The following GALNT10 variants were observed in gnomAD, a reference collection of about 807,000 sequenced individuals.
The protein encoded by GALNT10 is polypeptide N-acetylgalactosaminyltransferase 10.
In GALNT10, 41 loss-of-function variants were observed where a neutral mutation model predicts 75.0. That is an observed-to-expected ratio of 0.55 (90% confidence interval 0.43 to 0.71). The LOEUF is 0.71. Among genes scored for constraint, GALNT10 ranks in the 30% least tolerant of loss-of-function variants. The probability of loss-of-function intolerance (pLI) is 0.00; values close to 1 mark genes in which losing one functional copy is unlikely to be tolerated. For missense variants in GALNT10, 727 were observed against 818.5 expected (o/e 0.89, Z 1.36); for synonymous variants, 302 against 313.0 (o/e 0.96, Z 0.37).
At chr5:154,200,239 C>G (rs1274447389) in intron 1 of GALNT10, among the ~76,000 whole-genome samples, 1 of 152,154 alleles carries the variant, frequency 6.6e-6, no homozygotes, top group Non-Finnish European at 1.5e-5. Context: ...ATAGCAAGTC[C>G]CATGTGCCGC....
intron 1 of GALNT10, among the ~76,000 whole-genome samples, chr5:154,228,690 C>G (rs1265393059): frequency 6.6e-6 from 1 of 152,132 alleles, no homozygotes; most frequent in Non-Finnish European, 1.5e-5. Flanking sequence ...GGCGGGAGTC[C>G]CAATTGTATG....
intron 1 of GALNT10, chr5:154,219,709 T>C (rs1268850927): frequency 1.3e-5 from 2 of 151,632 alleles, no homozygotes; most frequent in Non-Finnish European, 2.9e-5. Context: ...TAATGCAAAT[T>C]TGAGAACCTC....
intron 5 of GALNT10, among the ~76,000 whole-genome samples, chr5:154,377,968 A>C (rs1755682365): frequency 6.6e-6 from 1 of 152,208 alleles, no homozygotes; most frequent in South Asian, 2.1e-4. Context: ...TGGGGCTCGA[A>C]GCTGAGCTTG....
chr5:154,259,119 TA>T (rs1432482659), intron 1 of GALNT10, among the ~76,000 whole-genome samples: 6 of 152,058 alleles, frequency 3.9e-5, no homozygotes, highest in African/African-American at 1.2e-4. Flanking sequence ...ATGCCTTTTT[TA>T]TTTCTTTTTC....
chr5:154,252,952 T>G (rs1320425043), intron 1 of GALNT10, among the ~76,000 whole-genome samples: 1 of 150,770 alleles, frequency 6.6e-6, no homozygotes, highest in Admixed American at 6.6e-5. Context: ...CTTTCACTTA[T>G]TTGGGGCATT....
chr5:154,395,768 C>T (rs919304804), intron 7 of GALNT10, among the ~76,000 whole-genome samples: 3 of 152,204 alleles, frequency 2.0e-5, no homozygotes, highest in African/African-American at 7.2e-5. Flanking sequence ...GGCACAGTCA[C>T]CTGAGACGCT....
Position 154,248,679 on chromosome 5 carries a change from C to T in GALNT10, c.160-46137C>T, listed in dbSNP as rs189389973. Reference sequence around the variant, plus strand: ...ATATCCCCTTTATCATTTTTTATTGCGTCTATTTGATTCTTCTCTCTTTTC... The same window carrying T: ...ATATCCCCTTTATCATTTTTTATTGTGTCTATTTGATTCTTCTCTCTTTTC... On this transcript the variant is annotated intron_variant, in intron 1 of 11. Transcript: ENST00000297107. Among the ~76,000 whole-genome samples, 438 of 152,152 alleles carry T rather than the reference C, an allele frequency of 2.9e-3. 1 individual carries two copies. Among genetic ancestry groups the T allele is most frequent in the African/African-American group, 9.9e-3 (410 of 41,522 alleles).
intron 1 of GALNT10, among the ~76,000 whole-genome samples, chr5:154,285,147 ATACT>A (rs1269236482): frequency 6.6e-6 from 1 of 152,084 alleles, no homozygotes; most frequent in Non-Finnish European, 1.5e-5. Flanking sequence ...GGTAATGAAA[ATACT>A]TATCTTCCTA....
chr5:154,262,346 G>A (rs1753711493), intron 1 of GALNT10, among the ~76,000 whole-genome samples: 1 of 152,206 alleles, frequency 6.6e-6, no homozygotes, highest in Non-Finnish European at 1.5e-5. Flanking sequence ...CTTCATTTCT[G>A]TTGGAGAAGC....
intron 1 of GALNT10, among the ~76,000 whole-genome samples, chr5:154,215,855 G>A (rs1752865387): frequency 1.3e-5 from 2 of 152,310 alleles, no homozygotes; most frequent in South Asian, 2.1e-4. Flanking sequence ...CAGCCCTGGG[G>A]CAGAAGGAGG....
chr5:154,257,789 C>T (rs917486209), intron 1 of GALNT10, among the ~76,000 whole-genome samples: 5 of 152,012 alleles, frequency 3.3e-5, no homozygotes, highest in Non-Finnish European at 5.9e-5. Context: ...AGCAATGTTA[C>T]ATTTATCTGA....
At chr5:154,217,741 G>A (rs983087666) in intron 1 of GALNT10, among the ~76,000 whole-genome samples, 2 of 152,236 alleles carry the variant, frequency 1.3e-5, no homozygotes, top group Admixed American at 1.3e-4. Flanking sequence ...GAAGGCCTGA[G>A]TTGAATCTTG....
chr5:154,294,472 G>A (rs7707954), intron 1 of GALNT10, among the ~76,000 whole-genome samples: 38,811 of 152,144 alleles, frequency 0.26, 5,168 homozygotes, highest in African/African-American at 0.31. Context: ...TGTGGATACT[G>A]GAAAATTTCA....
chr5:154,307,118 T>C (rs1156608769), intron 3 of GALNT10, among the ~76,000 whole-genome samples: 1 of 152,248 alleles, frequency 6.6e-6, no homozygotes, highest in Non-Finnish European at 1.5e-5. Flanking sequence ...TGAACAACTT[T>C]GTGCCAAAAC....
intron 1 of GALNT10, among the ~76,000 whole-genome samples, chr5:154,234,343 C>G (rs1348226191): frequency 6.6e-6 from 1 of 152,166 alleles, no homozygotes; most frequent in African/African-American, 2.4e-5. Context: ...GCAGTGGTGA[C>G]AGAAACCAGC....
chr5:154,301,857 G>A (rs549838965), intron 3 of GALNT10, among the ~76,000 whole-genome samples: 1 of 152,160 alleles, frequency 6.6e-6, no homozygotes. Flanking sequence ...GTTCCAGGTG[G>A]GTGGGAGTGG....
intron 4 of GALNT10, among the ~76,000 whole-genome samples, chr5:154,335,424 C>T (rs1389106104): frequency 6.6e-6 from 1 of 152,130 alleles, no homozygotes; most frequent in Non-Finnish European, 1.5e-5. Context: ...GGCAGACTTT[C>T]TGGAGAAAAT....
At chr5:154,244,384 T>C (rs1753388193) in intron 1 of GALNT10, among the ~76,000 whole-genome samples, 1 of 151,862 alleles carries the variant, frequency 6.6e-6, no homozygotes, top group Non-Finnish European at 1.5e-5. Context: ...CTGGGCAACA[T>C]AGTGAGATCC....
chr5:154,394,116 G>T (rs1318875427), intron 7 of GALNT10, among the ~76,000 whole-genome samples: 1 of 152,140 alleles, frequency 6.6e-6, no homozygotes, highest in Non-Finnish European at 1.5e-5. Context: ...AGGAGCAAGG[G>T]AGTGATAGAA....
Sources: gnomAD v4.1 joint callset for allele counts (sites outside exome capture counted in the v4.1 genomes callset) on GRCh38, gnomAD v4.1.1 for gene constraint, MANE v1.5 for transcripts, NCBI Gene and HGNC (gene_info 2026-07-23, HGNC 2026-07-21) for gene names.